Variants in HFM1 observed in about 807,000 individuals in gnomAD.
HFM1 encodes probable ATP-dependent DNA helicase HFM1.
A neutral mutation model predicts 192.1 loss-of-function variants in HFM1; 169 were observed. That is an observed-to-expected ratio of 0.88 (90% confidence interval 0.78 to 1.00). HFM1 has a LOEUF of 1.00. HFM1 is among the 50% of genes least tolerant of loss of function. The pLI, the probability that HFM1 is intolerant of heterozygous loss-of-function variation, is 0.00. For missense variants in HFM1, 1,661 were observed against 1,668.0 expected (o/e 1.00, Z 0.07); for synonymous variants, 525 against 537.8 (o/e 0.98, Z 0.33).
intron 20 of HFM1, chr1:91,328,452 G>C (rs1049195003): frequency 6.2e-7 from 1 of 1,612,654 alleles, no homozygotes; most frequent in African/African-American, 1.3e-5. Context: ...ATGACATCAA[G>C]AGCTACTTTG....
chr1:91,401,301 T>C (rs949115248), intron 1 of HFM1, among the ~76,000 whole-genome samples, 192 bp from the exon 2 acceptor site: 4 of 152,226 alleles, frequency 2.6e-5, no homozygotes, highest in Admixed American at 2.0e-4. Flanking sequence ...CATTCATTCA[T>C]GGATTCACAC....
intron 20 of HFM1, among the ~76,000 whole-genome samples, chr1:91,336,190 C>A (rs892259716): frequency 1.3e-5 from 2 of 150,280 alleles, no homozygotes; most frequent in South Asian, 2.1e-4. Flanking sequence ...CCCTGCCTCC[C>A]TCCTTGCAGG....
intron 25 of HFM1, among the ~76,000 whole-genome samples, chr1:91,317,021 A>G (rs1283345670): frequency 1.3e-5 from 2 of 152,126 alleles, no homozygotes; most frequent in Admixed American, 6.5e-5. Context: ...TTCCTTACCT[A>G]TATAATCTGA....
intron 30 of HFM1, among the ~76,000 whole-genome samples, chr1:91,289,780 G>A (rs368064363): frequency 6.6e-5 from 10 of 152,274 alleles, no homozygotes; most frequent in African/African-American, 2.2e-4. Flanking sequence ...GAATCAGGCA[G>A]GGAGGTTGCA....
chr1:91,277,915 C>CTTATATATTATATATGCTTATATAT (rs1557767614), intron 30 of HFM1, among the ~76,000 whole-genome samples: 5 of 32,288 alleles, frequency 1.5e-4, no homozygotes, highest in Non-Finnish European at 2.5e-4. Context: ...ATAATATATA[C>CTTATATATTATATATGCTTATATAT]ACTAATATAT....
intron 3 of HFM1, among the ~76,000 whole-genome samples, chr1:91,394,983 T>G (rs1030503977): frequency 1.3e-5 from 2 of 151,938 alleles, no homozygotes; most frequent in African/African-American, 4.8e-5. Flanking sequence ...AGCATCTATG[T>G]ATCTACATTA....
chr1:91,278,596 T>C (rs774935230), intron 30 of HFM1, among the ~76,000 whole-genome samples: 1 of 152,178 alleles, frequency 6.6e-6, no homozygotes, highest in Non-Finnish European at 1.5e-5. Flanking sequence ...TACTTTACTC[T>C]TCATTTTCGG....
intron 20 of HFM1, among the ~76,000 whole-genome samples, 187 bp downstream of exon 20, chr1:91,343,230 CAAAAAAAAAAAAA>C (rs34902756): frequency 1.3e-5 from 1 of 74,874 alleles, no homozygotes; most frequent in East Asian, 4.1e-4. Context: ...GACTCTGTCT[CAAAAAAAAAAAAA>C]AAAAAAAAAA....
chr1:91,289,609 T>G (rs1309927042), intron 30 of HFM1, among the ~76,000 whole-genome samples: 2 of 152,124 alleles, frequency 1.3e-5, no homozygotes, highest in African/African-American at 4.8e-5. Context: ...TCTGCAATCC[T>G]GGCACCTTGG....
In HFM1 at chr1:91,315,924, A is replaced by G. The variant is rs1651131869; in HGVS notation, c.3031T>C (p.Leu1011=). Residue 1011 remains leucine, a synonymous_variant, in exon 28 of 39, where the codon TTA becomes CTA. Coordinates refer to ENST00000370425, the MANE Select transcript of HFM1 (RefSeq NM_001017975.6). The part of the protein sequence containing the change: ...TTAEILVTVI[L]RNFEQLQTKR... ...GTTTGTAGCTGTTCAAAATTTCTTA[A>G]TATAACAGTCACTAATATTTCTGCC... 2 of 1,598,548 alleles carry G rather than the reference A, an allele frequency of 1.3e-6. No homozygotes were observed. Among genetic ancestry groups the G allele is most frequent in the Non-Finnish European group, 1.7e-6 (2 of 1,166,420 alleles).
intron 25 of HFM1, among the ~76,000 whole-genome samples, chr1:91,317,068 C>A (rs1197127442): frequency 6.6e-6 from 1 of 152,138 alleles, no homozygotes; most frequent in Non-Finnish European, 1.5e-5. Flanking sequence ...TCCTCTAACT[C>A]TCCTCTTGCT....
intron 13 of HFM1, among the ~76,000 whole-genome samples, chr1:91,359,564 AAAAAGG>A (rs1348751354): frequency 1.3e-5 from 2 of 152,230 alleles, no homozygotes; most frequent in African/African-American, 4.8e-5. Context: ...AAAAAAAAAA[AAAAAGG>A]AAGAAGAAGA....
chr1:91,384,965 G>A (rs764605529), intron 6 of HFM1, among the ~76,000 whole-genome samples: 2 of 151,884 alleles, frequency 1.3e-5, no homozygotes, highest in East Asian at 1.9e-4. Flanking sequence ...GGCTGGTCTC[G>A]AACTCCTGAC....
At chr1:91,302,760 CA>C (rs1257944300) in intron 30 of HFM1, among the ~76,000 whole-genome samples, 2 of 119,944 alleles carry the variant, frequency 1.7e-5, no homozygotes, top group East Asian at 5.8e-4. Context: ...GGAAGTGGAA[CA>C]TCACACTCTG....
chr1:91,388,862 C>G (rs963605327), intron 4 of HFM1, among the ~76,000 whole-genome samples: 2 of 152,064 alleles, frequency 1.3e-5, no homozygotes, highest in African/African-American at 2.4e-5. Context: ...TGAAAACCCA[C>G]AGAATGGGGG....
chr1:91,379,251 TCAATTTTAAAATTCTTTTCA>T, intron 8 of HFM1, 37 bp from the exon 9 acceptor site: 1 of 1,537,600 alleles, frequency 6.5e-7, no homozygotes, highest in East Asian at 2.3e-5. Flanking sequence ...GAACATCAGT[TCAATTTTAAAATTCTTTTCA>T]CAAACTTTGG....
At chr1:91,262,131 G>A (rs1665219144) in intron 38 of HFM1, 110 bp downstream of exon 38, 1 of 513,876 alleles carries the variant, frequency 1.9e-6, no homozygotes. Flanking sequence ...TTTAATAAAT[G>A]AAATGTTCAG....
chr1:91,326,423 G>A (rs1652913207), intron 20 of HFM1, among the ~76,000 whole-genome samples: 1 of 152,192 alleles, frequency 6.6e-6, no homozygotes, highest in African/African-American at 2.4e-5. Context: ...ACTTTTCAGT[G>A]GAAACCTTAC....
In HFM1 at chr1:91,380,902, A is replaced by G. The variant is rs1661478588; in HGVS notation, c.873+10T>C. 2 of 1,178,672 alleles carry G rather than the reference A, an allele frequency of 1.7e-6. No homozygotes were observed. Among genetic ancestry groups the G allele is most frequent in the Non-Finnish European group, 2.5e-6 (2 of 796,258 alleles). 73.0% of individuals were successfully genotyped at this position (1,178,672 alleles called of 1,614,324 possible). A position where few individuals can be genotyped will look rare whatever the true frequency, so the allele number is the denominator to read the frequency against. On this transcript the variant is annotated intron_variant, in intron 7 of 38. Coordinates refer to ENST00000370425, the MANE Select transcript of HFM1 (RefSeq NM_001017975.6). ...GGTAGAAAAATAAATAAGTAAAATA[A>G]AATACTTACATCATCAAAGGCCTTG... is the stretch of plus-strand genomic sequence containing the variant.
Sources: allele counts gnomAD v4.1 joint callset (sites outside exome capture counted in the v4.1 genomes callset), GRCh38; gene constraint gnomAD v4.1.1; transcripts MANE v1.5; gene names NCBI Gene and HGNC (gene_info 2026-07-23, HGNC 2026-07-21).